ZNF473: variants seen among roughly 807,000 people sequenced by gnomAD.
ZNF473 encodes the protein zinc finger protein 473.
ZNF473 carries 4 observed loss-of-function variants against 11.1 expected under a neutral mutation model. The observed-to-expected ratio is 0.36, with a 90% CI of 0.18 to 0.82. The LOEUF (loss-of-function observed/expected upper bound fraction) is 0.82, where lower values mean the gene tolerates loss of function less well. Ranked by LOEUF, ZNF473 falls within the 40% of genes least tolerant of loss-of-function variation. ZNF473 has a pLI of 0.49. For synonymous variants in ZNF473, 404 were observed against 390.4 expected, an observed-to-expected ratio of 1.03 and a Z score of -0.41; for missense variants, 854 against 1,084.0, an observed-to-expected ratio of 0.79 and a Z score of 2.98.
At chr19:50,041,702 GGGTGAC>G (rs763241381) in intron 3 of ZNF473, 22 bp from the exon 4 acceptor site, 2 of 1,576,480 alleles carry the variant, frequency 1.3e-6, no homozygotes, top group Non-Finnish European at 1.7e-6. Flanking sequence ...TGTCCTGGTT[GGGTGAC>G]AATGCTTTTC....
In ZNF473 at chr19:50,046,894, T is replaced by C; in HGVS notation, c.2451T>C (p.Asn817=). The C allele has an allele frequency of 6.2e-7, 1 of 1,614,220 alleles. No individual in the cohort carries two copies. Among genetic ancestry groups the C allele is most frequent in the Non-Finnish European group, 8.5e-7 (1 of 1,180,036 alleles). The part of the protein sequence containing the change: ...IHTGEKPYSC[N]VCGKAFVLSA... ...CAGGGGAGAAGCCTTACTCCTGTAA[T>C]GTGTGTGGCAAAGCTTTTGTCCTCA... Residue 817 remains asparagine (N), a synonymous_variant, in exon 5 of 5, where the codon AAT becomes AAC. Transcript: ENST00000270617. This position sits in a 1 kb window ranked among gnomAD's most constrained non-coding sequence, Gnocchi z 5.9.
intron 4 of ZNF473, 52 bp from the exon 5 acceptor site, chr19:50,044,618 G>A: frequency 6.8e-7 from 1 of 1,462,180 alleles, no homozygotes; most frequent in Non-Finnish European, 9.3e-7. Context: ...ACTTGCTCTT[G>A]TCTGTGTTCT....
chr19:50,031,753 A>G (rs557528952), intron 2 of ZNF473, among the ~76,000 whole-genome samples: 5 of 152,320 alleles, frequency 3.3e-5, no homozygotes, highest in African/African-American at 7.2e-5. Flanking sequence ...AGGGCCCAGC[A>G]CAGGCCAGGA....
chr19:50,035,540 A>G (rs1359378657), intron 2 of ZNF473, among the ~76,000 whole-genome samples: 2 of 150,870 alleles, frequency 1.3e-5, no homozygotes, highest in Non-Finnish European at 2.9e-5. Flanking sequence ...AATTCAATGT[A>G]ACACACCCAG....
intron 2 of ZNF473, 87 bp downstream of exon 2, chr19:50,031,178 C>T (rs767117355): frequency 1.0e-5 from 16 of 1,528,880 alleles, no homozygotes; most frequent in Admixed American, 5.9e-5. Context: ...AGTTGAAGGT[C>T]GCTCTGTGTT....
intron 1 of ZNF473, among the ~76,000 whole-genome samples, chr19:50,027,553 G>A (rs2077292852): frequency 1.3e-5 from 2 of 152,118 alleles, no homozygotes; most frequent in South Asian, 2.1e-4. Context: ...TATATGAGAT[G>A]TGGGCAGAAT....
In ZNF473 at chr19:50,046,558, C is replaced by T. The variant is rs140288058; in HGVS notation, c.2115C>T (p.Asn705=). The change falls in exon 5 of 5, where the codon AAC becomes AAT. Residue 705 remains asparagine, a synonymous_variant. Transcript: ENST00000270617. The surrounding 1 kb of genome is among the most constrained non-coding windows in gnomAD (Gnocchi z 5.9). ...THARKKPLVC[N]ECGKTFRQSS... is the part of the protein sequence containing the mutation. ...CCAGAAAGAAGCCGTTGGTGTGTAA[C>T]GAATGCGGGAAAACGTTCCGTCAGA... is the stretch of plus-strand genomic sequence containing the variant. 377 of 1,614,200 alleles carry T rather than the reference C, an allele frequency of 2.3e-4. 2 individuals carry two copies. In the African/African-American group the frequency reaches 4.2e-3, roughly 18 times the overall value.
intron 2 of ZNF473, among the ~76,000 whole-genome samples, chr19:50,032,849 A>G (rs2077325102): frequency 1.3e-5 from 2 of 152,064 alleles, no homozygotes; most frequent in African/African-American, 2.4e-5. Flanking sequence ...CATCACCTCA[A>G]TCTCTGCCTT....
At chr19:50,031,402 GTCATTTC>G (rs1303175275) in intron 2 of ZNF473, among the ~76,000 whole-genome samples, 6 of 152,166 alleles carry the variant, frequency 3.9e-5, no homozygotes, top group Non-Finnish European at 5.9e-5. Flanking sequence ...ACCATCTTCT[GTCATTTC>G]TCTAGATAAC....
At chr19:50,043,226 G>C (rs979088546) in intron 4 of ZNF473, 2 of 151,936 alleles carry the variant, frequency 1.3e-5, no homozygotes, top group African/African-American at 4.8e-5. Flanking sequence ...CTTGAGGTCA[G>C]GAGTTCGAGA....
In ZNF473 at chr19:50,039,089, G is replaced by C; in HGVS notation, c.10-72G>C. On this transcript the variant is annotated intron_variant, in intron 2 of 4. Coordinates refer to ENST00000270617, the MANE Select transcript of ZNF473 (RefSeq NM_015428.4). The surrounding 1 kb of genome is among the most constrained non-coding windows in gnomAD (Gnocchi z 4.8). ...AGCCCTGGCAGATTGAGGGCTGGGA[G>C]TGCCCTGAGTGAGCTGTTGGGCTCC... 6.3e-7 allele frequency: 1 copy of C among 1,585,430 alleles called. No homozygotes were observed. The highest frequency in any genetic ancestry group is 8.6e-7 in the Non-Finnish European group (1 of 1,159,356).
chr19:50,031,593 T>C (rs2077318354), intron 2 of ZNF473, among the ~76,000 whole-genome samples: 1 of 152,212 alleles, frequency 6.6e-6, no homozygotes, highest in South Asian at 2.1e-4. Flanking sequence ...GTCAGCACTT[T>C]CCTGCTCTAG....
At position 50,046,267 on chromosome 19, in the gene ZNF473, C is replaced by T. The variant is rs1266072808; in HGVS notation, c.1824C>T (p.His608=). The change falls in exon 5 of 5, where the codon CAC becomes CAT. Residue 608 remains histidine (H), a synonymous_variant. Coordinates refer to ENST00000270617, the MANE Select transcript of ZNF473 (RefSeq NM_015428.4). This position sits in a 1 kb window ranked among gnomAD's most constrained non-coding sequence, Gnocchi z 5.9. ...TTGGCCAAAGTACTCGGCTCATTCACCATCAAAGAATCCACTCTAGAGTGA... is the reference window on the plus strand; with the variant it reads ...TTGGCCAAAGTACTCGGCTCATTCATCATCAAAGAATCCACTCTAGAGTGA... The part of the protein sequence containing the change: ...KAFGQSTRLI[H]HQRIHSRVRL... 53 of 1,614,036 alleles carry T rather than the reference C, an allele frequency of 3.3e-5. No individual in the cohort carries two copies. Among genetic ancestry groups the T allele is most frequent in the Non-Finnish European group, 4.3e-5 (51 of 1,179,972 alleles).
chr19:50,041,827 G>A lies in ZNF473; in HGVS notation c.226+8G>A, dbSNP rs762570792. 1.2e-6 allele frequency: 2 copies of A among 1,604,816 alleles called. No homozygotes were observed. Among genetic ancestry groups the A allele is most frequent in the South Asian group, 2.2e-5 (2 of 90,218 alleles). Reference sequence around the variant, plus strand: ...CAGAAGCAACAAGCCCTGGTGAGTGGATGGAGAGGGGCCCCTTGTGTACCT... The same window carrying A: ...CAGAAGCAACAAGCCCTGGTGAGTGAATGGAGAGGGGCCCCTTGTGTACCT... On this transcript the variant is annotated splice_region_variant and intron_variant, in intron 4 of 4. Transcript: ENST00000270617.
chr19:50,041,878 G>A, intron 4 of ZNF473, 59 bp downstream of exon 4: 3 of 1,406,014 alleles, frequency 2.1e-6, no homozygotes, highest in Non-Finnish European at 2.9e-6. Flanking sequence ...TCCATCCTGA[G>A]GCTGCAGCCA....
intron 1 of ZNF473, among the ~76,000 whole-genome samples, chr19:50,026,670 AAAG>A (rs1329394131): frequency 6.6e-6 from 1 of 151,990 alleles, no homozygotes; most frequent in African/African-American, 2.4e-5. Flanking sequence ...TGTCTCCACA[AAAG>A]AAGAAAAAAA....
At chr19:50,040,385 G>A (rs1978701329) in intron 3 of ZNF473, 1 of 152,266 alleles carries the variant, frequency 6.6e-6, no homozygotes, top group South Asian at 2.1e-4. Context: ...GGTCATGTGG[G>A]CTCCTCTGCC....
Position 50,045,392 on chromosome 19 carries a change from A to G in ZNF473, c.949A>G (p.Ser317Gly), listed in dbSNP as rs1352546827. Reference protein sequence around the residue: ...PGEHQKTHTDSKSYNCNECGK... With the variant: ...PGEHQKTHTDGKSYNCNECGK... ...TGAGCATCAGAAAACTCACACAGATAGTAAGTCCTACAACTGTAACGAATG... is the reference window on the plus strand; with the variant it reads ...TGAGCATCAGAAAACTCACACAGATGGTAAGTCCTACAACTGTAACGAATG... Residue 317 changes from serine (S) to glycine (G), a missense_variant, in exon 5 of 5, where the codon AGT becomes GGT. Ser to Gly is a moderately conservative substitution (Grantham distance 56). Coordinates refer to ENST00000270617, the MANE Select transcript of ZNF473 (RefSeq NM_015428.4). 1 of 1,614,230 alleles carries G rather than the reference A, an allele frequency of 6.2e-7. No homozygotes were observed. The highest frequency in any genetic ancestry group is 8.5e-7 in the Non-Finnish European group (1 of 1,180,030).
At chr19:50,028,970 A>G (rs991758702) in intron 1 of ZNF473, among the ~76,000 whole-genome samples, 1 of 152,020 alleles carries the variant, frequency 6.6e-6, no homozygotes, top group Non-Finnish European at 1.5e-5. Flanking sequence ...AGAACAACAA[A>G]TTTTTTTTCA....
Sources: allele counts gnomAD v4.1 joint callset (sites outside exome capture counted in the v4.1 genomes callset), GRCh38; gene constraint gnomAD v4.1.1; non-coding constraint Gnocchi (gnomAD v3.1); transcripts MANE v1.5; gene names NCBI Gene and HGNC (gene_info 2026-07-23, HGNC 2026-07-21).